Variants in RPRD1A observed in about 807,000 individuals in gnomAD.
RPRD1A encodes regulation of nuclear pre-mRNA domain-containing protein 1A.
In RPRD1A, 9 loss-of-function variants were observed where a neutral mutation model predicts 37.8. The ratio of observed to expected loss-of-function variants is 0.24; its 90% CI spans 0.14 to 0.42. The LOEUF (loss-of-function observed/expected upper bound fraction) is 0.42. RPRD1A is among the 10% of genes least tolerant of loss of function. RPRD1A has a pLI of 1.00. For missense variants in RPRD1A, 255 were observed against 371.0 expected (o/e 0.69, Z 2.57); for synonymous variants, 138 against 139.7 (o/e 0.99, Z 0.08).
chr18:36,023,190 C>A (rs1911128686), intron 6 of RPRD1A, among the ~76,000 whole-genome samples: 1 of 152,204 alleles, frequency 6.6e-6, no homozygotes, highest in Non-Finnish European at 1.5e-5. Flanking sequence ...TAACTGAAAA[C>A]TTTCAGAAAA....
intron 1 of RPRD1A, among the ~76,000 whole-genome samples, chr18:36,040,315 G>A (rs1332957453): frequency 1.3e-5 from 2 of 152,120 alleles, no homozygotes; most frequent in East Asian, 1.9e-4. Context: ...ACGACTCAAC[G>A]GTCAAGTTGA....
chr18:36,048,128 G>A (rs955454256), intron 1 of RPRD1A, among the ~76,000 whole-genome samples: 2 of 143,074 alleles, frequency 1.4e-5, no homozygotes, highest in East Asian at 4.1e-4. Context: ...GTGCAATGGC[G>A]CCACCTGGGC....
intron 1 of RPRD1A, among the ~76,000 whole-genome samples, chr18:36,053,884 G>A (rs1037534431): frequency 6.6e-6 from 1 of 152,098 alleles, no homozygotes; most frequent in East Asian, 1.9e-4. Context: ...CTGAAGGTGA[G>A]AAAACTATGA....
intron 1 of RPRD1A, among the ~76,000 whole-genome samples, chr18:36,062,029 A>C (rs1472050642): frequency 6.6e-6 from 1 of 152,208 alleles, no homozygotes; most frequent in Non-Finnish European, 1.5e-5. Flanking sequence ...ATGTATTTTA[A>C]AAACATGGCC....
At chr18:36,016,491 G>A (rs1910586189) in intron 6 of RPRD1A, among the ~76,000 whole-genome samples, 1 of 152,186 alleles carries the variant, frequency 6.6e-6, no homozygotes, top group Non-Finnish European at 1.5e-5. Flanking sequence ...CCATAGTGCT[G>A]GGATTACAGG....
intron 6 of RPRD1A, among the ~76,000 whole-genome samples, chr18:36,005,393 A>G (rs1440840451): frequency 6.6e-6 from 1 of 152,208 alleles, no homozygotes; most frequent in Non-Finnish European, 1.5e-5. Flanking sequence ...AAATTTTAAT[A>G]ATGGTTTTCA....
Position 36,031,057 on chromosome 18 carries a change from A to T in RPRD1A, c.322T>A (p.Leu108Ile). The change falls in exon 3 of 7, where the codon TTA (leucine) becomes ATA (isoleucine). Residue 108 changes from leucine (L) to isoleucine (I), a missense_variant. By Grantham distance (5) the Leu-to-Ile change is conservative (BLOSUM62 2). Transcript: ENST00000399022. ...ESCKKHLGRV[L>I]SIWEERSVYE... Reference sequence around the variant, plus strand: ...ACAGACCTTTCTTCCCAAATAGATAACACTCTTCCAAGGTGCTTCTTACAA... The same window carrying T: ...ACAGACCTTTCTTCCCAAATAGATATCACTCTTCCAAGGTGCTTCTTACAA... 3.8e-6 allele frequency: 6 copies of T among 1,591,510 alleles called. No homozygotes were observed. The highest frequency in any genetic ancestry group is 5.1e-6 in the Non-Finnish European group (6 of 1,174,156).
At chr18:36,005,188 C>A (rs565444350) in intron 6 of RPRD1A, among the ~76,000 whole-genome samples, 24 of 152,230 alleles carry the variant, frequency 1.6e-4, no homozygotes, top group Admixed American at 3.3e-4. Flanking sequence ...GTAGTCCCAG[C>A]TACTCCAGAG....
Position 36,030,980 on chromosome 18 carries a change from T to A in RPRD1A, c.388+11A>T. On this transcript the variant is annotated intron_variant, in intron 3 of 6. Transcript: ENST00000399022. ...AGAGATCAAGGTAAGAGATCAGGATTCTACACTTACACAGAGCTTGTTTAA... is the reference window on the plus strand; with the variant it reads ...AGAGATCAAGGTAAGAGATCAGGATACTACACTTACACAGAGCTTGTTTAA... 6.3e-7 allele frequency: 1 copy of A among 1,595,198 alleles called. No homozygotes were observed. The highest frequency in any genetic ancestry group is 2.2e-5 in the East Asian group (1 of 44,706).
In RPRD1A at chr18:36,033,754, T is replaced by C. The variant is rs111706297; in HGVS notation, c.235A>G (p.Lys79Glu). The change falls in exon 2 of 7, where the codon AAA (lysine) becomes GAA (glutamate). Residue 79 changes from lysine to glutamate, a missense_variant. Coordinates refer to ENST00000399022, the MANE Select transcript of RPRD1A (RefSeq NM_018170.5). ...NSKRKGPEFT[K>E]DFAPVIVEAF... is the part of the protein sequence containing the mutation. ...TCCACTATAACTGGTGCAAAATCTTTTGTAAACTCTGGCCCCTTCCTCTTG... is the reference window on the plus strand; with the variant it reads ...TCCACTATAACTGGTGCAAAATCTTCTGTAAACTCTGGCCCCTTCCTCTTG... 1.9e-6 allele frequency: 3 copies of C among 1,613,496 alleles called. No individual in the cohort carries two copies. The highest frequency in any genetic ancestry group is 1.3e-5 in the African/African-American group (1 of 75,028).
chr18:36,030,098 G>A (rs1911667189), intron 4 of RPRD1A, among the ~76,000 whole-genome samples: 1 of 151,102 alleles, frequency 6.6e-6, no homozygotes, highest in African/African-American at 2.4e-5. Context: ...GAGCCACTGC[G>A]CCCGGCCACT....
At chr18:36,066,893 T>C (rs73946766) in intron 1 of RPRD1A, among the ~76,000 whole-genome samples, 15,606 of 152,208 alleles carry the variant, frequency 0.1, 1,073 homozygotes, top group African/African-American at 0.2. Flanking sequence ...CACCAATCTT[T>C]TTCTTTCCAC....
chr18:36,048,385 A>C (rs1913117855), intron 1 of RPRD1A, among the ~76,000 whole-genome samples: 1 of 152,130 alleles, frequency 6.6e-6, no homozygotes, highest in South Asian at 2.1e-4. Context: ...CATTCTTAAC[A>C]AAATATTAGT....
chr18:36,021,727 G>T (rs1259572205), intron 6 of RPRD1A, among the ~76,000 whole-genome samples: 2 of 152,166 alleles, frequency 1.3e-5, no homozygotes, highest in African/African-American at 4.8e-5. Flanking sequence ...GGCCTGGTGT[G>T]GTGGCTCATG....
intron 1 of RPRD1A, 122 bp downstream of exon 1, chr18:36,067,132 A>G: frequency 9.5e-7 from 1 of 1,049,076 alleles, no homozygotes; most frequent in Non-Finnish European, 1.4e-6. Flanking sequence ...CCAAGCCCGC[A>G]GACCACCGCG....
intron 1 of RPRD1A, among the ~76,000 whole-genome samples, chr18:36,061,303 T>C (rs898103691): frequency 6.6e-6 from 1 of 152,224 alleles, no homozygotes; most frequent in Non-Finnish European, 1.5e-5. Context: ...TTCTTTACCA[T>C]TGTAATACAC....
At position 35,993,184 on chromosome 18, in the gene RPRD1A, C is replaced by T; in HGVS notation, c.906G>A (p.Leu302=). 6.2e-7 allele frequency: 1 copy of T among 1,614,138 alleles called. No homozygotes were observed. Among genetic ancestry groups the T allele is most frequent in the Non-Finnish European group, 8.5e-7 (1 of 1,180,014 alleles). Residue 302 remains leucine (L), a synonymous_variant, in exon 7 of 7, where the codon CTG becomes CTA. Transcript: ENST00000399022. Reference sequence around the variant, plus strand: ...CACTGTAGATGTCTCCCGCAAAGGGCAGGTGCATGTGGCTGCCAGTGACAT... The same window carrying T: ...CACTGTAGATGTCTCCCGCAAAGGGTAGGTGCATGTGGCTGCCAGTGACAT... ...LPNVTGSHMH[L]PFAGDIYSED
At chr18:36,002,593 C>T (rs1235838900) in intron 6 of RPRD1A, among the ~76,000 whole-genome samples, 1 of 152,076 alleles carries the variant, frequency 6.6e-6, no homozygotes, top group Non-Finnish European at 1.5e-5. Context: ...GGCATTTCCA[C>T]CTCTCTACTT....
intron 1 of RPRD1A, among the ~76,000 whole-genome samples, chr18:36,052,328 T>C (rs985923226): frequency 1.3e-5 from 2 of 151,906 alleles, no homozygotes; most frequent in African/African-American, 2.4e-5. Flanking sequence ...AATTAAAGGA[T>C]ACTAGATAGA....
Sources: allele counts gnomAD v4.1 joint callset (sites outside exome capture counted in the v4.1 genomes callset), GRCh38; gene constraint gnomAD v4.1.1; transcripts MANE v1.5; gene names NCBI Gene and HGNC (gene_info 2026-07-23, HGNC 2026-07-21).